The following DYM variants were observed in gnomAD, a reference collection of about 807,000 sequenced individuals.
DYM encodes dymeclin.
DYM carries 78 observed loss-of-function variants against 93.1 expected under a neutral mutation model. The ratio of observed to expected loss-of-function variants is 0.84; its 90% CI spans 0.70 to 1.01. The LOEUF (loss-of-function observed/expected upper bound fraction) is 1.01. Among genes scored for constraint, DYM ranks in the 50% least tolerant of loss-of-function variants. The pLI is 0.00. For synonymous variants in DYM, 321 were observed against 319.7 expected, an observed-to-expected ratio of 1.00 and a Z score of -0.04; for missense variants, 789 against 845.0, an observed-to-expected ratio of 0.93 and a Z score of 0.82.
chr18:49,269,189 A>G (rs73443859), intron 11 of DYM, among the ~76,000 whole-genome samples: 3,940 of 152,268 alleles, frequency 0.026, 158 homozygotes, highest in African/African-American at 0.088. Context: ...GTCAACAAGT[A>G]TATGAAAATG....
intron 6 of DYM, among the ~76,000 whole-genome samples, chr18:49,354,819 T>C (rs1568305590): frequency 6.6e-6 from 1 of 152,130 alleles, no homozygotes; most frequent in Non-Finnish European, 1.5e-5. Context: ...TCTCATTCAT[T>C]ACTGGTGGGA....
chr18:49,158,539 T>C (rs2086695233), intron 15 of DYM, among the ~76,000 whole-genome samples: 1 of 152,204 alleles, frequency 6.6e-6, no homozygotes, highest in Non-Finnish European at 1.5e-5. Context: ...TCCCATGTTA[T>C]ATAAGTGTTA....
intron 8 of DYM, among the ~76,000 whole-genome samples, chr18:49,331,196 G>T (rs961951449): frequency 4.6e-5 from 7 of 152,216 alleles, no homozygotes; most frequent in Admixed American, 1.3e-4. Flanking sequence ...AAGTACCAAA[G>T]TGTCGCTCTA....
At chr18:49,110,330 T>G (rs893837614) in intron 16 of DYM, among the ~76,000 whole-genome samples, 1 of 152,234 alleles carries the variant, frequency 6.6e-6, no homozygotes, top group Non-Finnish European at 1.5e-5. Context: ...TTAATTTCTT[T>G]TTGTAGATCC....
At chr18:49,110,072 G>T (rs528229752) in intron 16 of DYM, among the ~76,000 whole-genome samples, 24 of 152,322 alleles carry the variant, frequency 1.6e-4, no homozygotes, top group African/African-American at 5.3e-4. Flanking sequence ...TGTAAATAAA[G>T]TTTTATTGGA....
chr18:49,274,600 C>T (rs778936490), intron 10 of DYM, among the ~76,000 whole-genome samples: 53 of 152,250 alleles, frequency 3.5e-4, no homozygotes, highest in Non-Finnish European at 5.3e-4. Context: ...TACATTTCCA[C>T]CAACAGTGTA....
Position 49,163,687 on chromosome 18 carries a change from A to G in DYM, c.1726T>C (p.Tyr576His), listed in dbSNP as rs1368882356. The G allele has an allele frequency of 6.2e-7, 1 of 1,605,842 alleles. No homozygotes were observed. Among genetic ancestry groups the G allele is most frequent in the Non-Finnish European group, 8.5e-7 (1 of 1,173,720 alleles). The part of the protein sequence containing the change: ...LSSNDVPLPD[Y>H]AQDLNVIEEV... ...TGATGAATAAGGTAACTACTTACAT[A>G]ATCTGGTAGAGGAACATCATTAGAA... is the stretch of plus-strand genomic sequence containing the variant. The change falls in exon 15 of 18, where the codon TAT becomes CAT. Residue 576 changes from tyrosine (Y) to histidine (H), a missense_variant and splice_region_variant. Tyr to His is a moderately conservative substitution (Grantham distance 83). Coordinates refer to ENST00000675505, the MANE Select transcript of DYM (RefSeq NM_001353214.3).
At chr18:49,451,630 C>T (rs1158398353) in intron 1 of DYM, among the ~76,000 whole-genome samples, 4 of 152,182 alleles carry the variant, frequency 2.6e-5, no homozygotes, top group African/African-American at 7.2e-5. Context: ...AGAGTTCCAT[C>T]GAAGCCAATC....
At chr18:49,298,693 T>A (rs1274814238) in intron 8 of DYM, among the ~76,000 whole-genome samples, 1 of 152,028 alleles carries the variant, frequency 6.6e-6, no homozygotes, top group Non-Finnish European at 1.5e-5. Context: ...AAAATAGAAC[T>A]GTTTCCAAAA....
At chr18:49,074,110 A>C (rs2077114597) in intron 17 of DYM, among the ~76,000 whole-genome samples, 1 of 152,238 alleles carries the variant, frequency 6.6e-6, no homozygotes, top group African/African-American at 2.4e-5. Context: ...GCTTATAAAT[A>C]AAAAGCAAAA....
At chr18:49,447,041 A>G (rs2082148689) in intron 1 of DYM, among the ~76,000 whole-genome samples, 1 of 151,148 alleles carries the variant, frequency 6.6e-6, no homozygotes, top group Non-Finnish European at 1.5e-5. Context: ...CCTGGGCAAG[A>G]CAGAGGAAGA....
chr18:49,253,253 C>G (rs1335980788), intron 13 of DYM, among the ~76,000 whole-genome samples: 1 of 152,202 alleles, frequency 6.6e-6, no homozygotes, highest in Non-Finnish European at 1.5e-5. Context: ...AAACTGCTTA[C>G]TTCTCACTTG....
intron 5 of DYM, among the ~76,000 whole-genome samples, chr18:49,366,921 A>G (rs1368841159): frequency 3.9e-5 from 6 of 152,206 alleles, no homozygotes; most frequent in Non-Finnish European, 8.8e-5. Flanking sequence ...TAAGGGGCAG[A>G]AACCAGATTG....
At chr18:49,099,862 G>A (rs1313887985) in intron 16 of DYM, among the ~76,000 whole-genome samples, 1 of 152,134 alleles carries the variant, frequency 6.6e-6, no homozygotes. Context: ...CCCTTGTAAT[G>A]TGGCACTTGT....
intron 2 of DYM, chr18:49,413,244 C>T (rs1341997312): frequency 6.6e-6 from 1 of 152,206 alleles, no homozygotes; most frequent in Non-Finnish European, 1.5e-5. Context: ...CTGGTCCTTA[C>T]TTGCTACTCA....
intron 8 of DYM, among the ~76,000 whole-genome samples, chr18:49,290,445 TGGAATTCAA>T (rs1457794081): frequency 5.3e-5 from 8 of 152,188 alleles, no homozygotes; most frequent in African/African-American, 7.2e-5. Context: ...TGGGATTGCA[TGGAATTCAA>T]GGAATTCAAG....
intron 5 of DYM, among the ~76,000 whole-genome samples, chr18:49,371,006 T>G (rs1258169865): frequency 6.6e-6 from 1 of 152,148 alleles, no homozygotes; most frequent in Non-Finnish European, 1.5e-5. Flanking sequence ...AACGCTAAGA[T>G]AGGTAACCCT....
intron 15 of DYM, among the ~76,000 whole-genome samples, chr18:49,127,241 G>A (rs796792807): frequency 5.3e-5 from 8 of 152,228 alleles, no homozygotes; most frequent in African/African-American, 1.7e-4. Context: ...GTAAAAACAA[G>A]AAAATGATCC....
intron 8 of DYM, chr18:49,321,155 T>A: frequency 2.6e-6 from 1 of 381,198 alleles, no homozygotes; most frequent in Non-Finnish European, 4.6e-6. Flanking sequence ...TTTAATATTC[T>A]CACTTTTAAA....
Sources: gnomAD v4.1 joint callset for allele counts (sites outside exome capture counted in the v4.1 genomes callset) on GRCh38, gnomAD v4.1.1 for gene constraint, MANE v1.5 for transcripts, NCBI Gene and HGNC (gene_info 2026-07-23, HGNC 2026-07-21) for gene names.